MIPOL1: variants seen among roughly 807,000 people sequenced by gnomAD.
The protein encoded by MIPOL1 is mirror-image polydactyly 1.
MIPOL1 carries 57 observed loss-of-function variants against 60.9 expected under a neutral mutation model. The observed-to-expected ratio is 0.94, with a 90% CI of 0.76 to 1.17. The LOEUF is 1.17. Ranked by LOEUF, MIPOL1 falls within the 50% of genes most tolerant of loss-of-function variation. The pLI is 0.00. For synonymous variants in MIPOL1, 179 were observed against 168.8 expected (o/e 1.06, Z -0.47); for missense variants, 551 against 511.6 (o/e 1.08, Z -0.74).
At chr14:37,489,448 C>G (rs553190250) in intron 11 of MIPOL1, among the ~76,000 whole-genome samples, 8 of 152,202 alleles carry the variant, frequency 5.3e-5, no homozygotes, top group Non-Finnish European at 1.0e-4. Context: ...AAGCCTACTT[C>G]TGTCAGTTCA....
intron 11 of MIPOL1, among the ~76,000 whole-genome samples, chr14:37,431,342 T>A (rs2094060415): frequency 6.6e-6 from 1 of 152,042 alleles, no homozygotes; most frequent in African/African-American, 2.4e-5. Flanking sequence ...ACTTTTGCCT[T>A]TGCCTACTTA....
intron 9 of MIPOL1, among the ~76,000 whole-genome samples, chr14:37,310,336 T>C (rs1327089231): frequency 6.6e-6 from 1 of 152,116 alleles, no homozygotes; most frequent in Non-Finnish European, 1.5e-5. Context: ...CTTCTTGCCT[T>C]TTGCTTGTCT....
chr14:37,261,849 A>G (rs2082536605), intron 3 of MIPOL1, among the ~76,000 whole-genome samples: 2 of 152,100 alleles, frequency 1.3e-5, no homozygotes, highest in African/African-American at 2.4e-5. Flanking sequence ...TTGTACAGCT[A>G]TATTGTGGAG....
intron 1 of MIPOL1, among the ~76,000 whole-genome samples, chr14:37,245,629 G>A (rs373075298): frequency 1.2e-4 from 18 of 152,070 alleles, no homozygotes; most frequent in South Asian, 4.2e-4. Context: ...TACTCTCTTC[G>A]TCTCCAAAAA....
chr14:37,259,552 G>A (rs962033906), intron 3 of MIPOL1, among the ~76,000 whole-genome samples: 1 of 151,876 alleles, frequency 6.6e-6, no homozygotes, highest in African/African-American at 2.4e-5. Flanking sequence ...GAGTGACAGA[G>A]TGAGACCCTG....
chr14:37,346,749 C>G (rs770300975), intron 9 of MIPOL1, among the ~76,000 whole-genome samples: 3 of 152,002 alleles, frequency 2.0e-5, no homozygotes, highest in African/African-American at 7.2e-5. Flanking sequence ...TATGGCCATG[C>G]GAGGTGAGAA....
intron 12 of MIPOL1, among the ~76,000 whole-genome samples, chr14:37,539,336 C>CA (rs1255973028): frequency 6.6e-6 from 1 of 152,058 alleles, no homozygotes; most frequent in African/African-American, 2.4e-5. Flanking sequence ...TTGTAGATGT[C>CA]AAAAAAAGAG....
In MIPOL1 at chr14:37,459,932, G is replaced by A. The variant is rs966876895; in HGVS notation, c.1031+36983G>A. On this transcript the variant is annotated intron_variant, in intron 11 of 12. Transcript: ENST00000684589. Reference sequence around the variant, plus strand: ...TCTACTAAAAATACAAAAATTAGCCGGGCATGGTGGCTGGCAGGTGCCTGT... The same window carrying A: ...TCTACTAAAAATACAAAAATTAGCCAGGCATGGTGGCTGGCAGGTGCCTGT... Among the ~76,000 whole-genome samples, 14 of 152,032 alleles carry A rather than the reference G, an allele frequency of 9.2e-5. No homozygotes were observed. The South Asian group carries it at 1.2e-3, about 14-fold the overall frequency.
At chr14:37,410,858 G>A (rs898736455) in intron 10 of MIPOL1, among the ~76,000 whole-genome samples, 1 of 151,932 alleles carries the variant, frequency 6.6e-6, no homozygotes, top group East Asian at 1.9e-4. Context: ...GGGGAAATGG[G>A]ATGATAATAA....
intron 11 of MIPOL1, among the ~76,000 whole-genome samples, chr14:37,471,298 G>A (rs2094685890): frequency 6.6e-6 from 1 of 152,192 alleles, no homozygotes; most frequent in Non-Finnish European, 1.5e-5. Context: ...AATTTAGTGA[G>A]TCAAAATCCT....
intron 10 of MIPOL1, among the ~76,000 whole-genome samples, chr14:37,388,175 G>A (rs1215084800): frequency 6.6e-6 from 1 of 151,724 alleles, no homozygotes; most frequent in African/African-American, 2.4e-5. Context: ...AAAACTTGAG[G>A]TAATCAGCGT....
chr14:37,413,600 C>T (rs1047413148), intron 10 of MIPOL1, among the ~76,000 whole-genome samples: 2 of 152,210 alleles, frequency 1.3e-5, no homozygotes, highest in East Asian at 3.8e-4. Flanking sequence ...CCTTAATTCT[C>T]CTCTTTTCAT....
intron 3 of MIPOL1, among the ~76,000 whole-genome samples, chr14:37,255,163 C>T (rs918329883): frequency 5.3e-5 from 8 of 151,876 alleles, no homozygotes; most frequent in South Asian, 4.1e-4. Flanking sequence ...TGCAGCTTAA[C>T]GTAATATTAC....
chr14:37,449,647 T>G (rs966874499), intron 11 of MIPOL1, among the ~76,000 whole-genome samples: 2 of 152,182 alleles, frequency 1.3e-5, no homozygotes, highest in African/African-American at 4.8e-5. Flanking sequence ...AAATAGAATG[T>G]TCTTTGGATC....
At chr14:37,267,608 C>T (rs192887676) in intron 4 of MIPOL1, among the ~76,000 whole-genome samples, 8 of 152,092 alleles carry the variant, frequency 5.3e-5, no homozygotes, top group African/African-American at 1.4e-4. Context: ...TAGAACTTGG[C>T]GAATCTACCA....
chr14:37,212,834 T>C (rs1297748669), intron 1 of MIPOL1, among the ~76,000 whole-genome samples: 1 of 152,182 alleles, frequency 6.6e-6, no homozygotes, highest in Non-Finnish European at 1.5e-5. Flanking sequence ...GGGATACTTA[T>C]GTCACTTTAC....
At chr14:37,311,915 G>A (rs769191207) in intron 9 of MIPOL1, among the ~76,000 whole-genome samples, 1 of 152,032 alleles carries the variant, frequency 6.6e-6, no homozygotes. Flanking sequence ...CGTCCTTCTA[G>A]TCTCTGGTCT....
chr14:37,216,371 A>G (rs1388235808), intron 1 of MIPOL1, among the ~76,000 whole-genome samples: 1 of 152,184 alleles, frequency 6.6e-6, no homozygotes. Context: ...TATTGAACAT[A>G]TTTTCCAGAC....
intron 3 of MIPOL1, among the ~76,000 whole-genome samples, chr14:37,249,320 A>G (rs1218036527): frequency 6.6e-6 from 1 of 152,030 alleles, no homozygotes; most frequent in Non-Finnish European, 1.5e-5. Context: ...CCACATTTTT[A>G]TCCTTTTTTG....
Sources: gnomAD v4.1 joint callset for allele counts (sites outside exome capture counted in the v4.1 genomes callset) on GRCh38, gnomAD v4.1.1 for gene constraint, MANE v1.5 for transcripts, NCBI Gene and HGNC (gene_info 2026-07-23, HGNC 2026-07-21) for gene names.